UGT1A9: variants seen among roughly 807,000 people sequenced by gnomAD.
UGT1A9 encodes the protein UDP-glucuronosyltransferase 1A9.
Under a neutral mutation model 45.0 loss-of-function variants are expected in UGT1A9, and 35 were observed. The ratio of observed to expected loss-of-function variants is 0.78; its 90% CI spans 0.59 to 1.03. The LOEUF (loss-of-function observed/expected upper bound fraction) is 1.03. Ranked by LOEUF, UGT1A9 falls within the 50% of genes least tolerant of loss-of-function variation. The pLI, the probability that UGT1A9 is intolerant of heterozygous loss-of-function variation, is 0.00. For missense variants in UGT1A9, 687 were observed against 666.6 expected (o/e 1.03, Z -0.34); for synonymous variants, 278 against 250.6 (o/e 1.11, Z -1.03).
chr2:233,741,913 G>T (rs539186110), intron 1 of UGT1A9: 3 of 151,962 alleles, frequency 2.0e-5, no homozygotes, highest in African/African-American at 4.9e-5. Flanking sequence ...GATGGAAAAG[G>T]TCTTCATTTG....
At position 233,769,556 on chromosome 2, in the gene UGT1A9, A is replaced by G. The variant is rs1699895169; in HGVS notation, c.1295+1117A>G. 6.2e-7 allele frequency: 1 copy of G among 1,612,744 alleles called. No individual in the cohort carries two copies. Among genetic ancestry groups the G allele is most frequent in the African/African-American group, 1.3e-5 (1 of 74,934 alleles). On this transcript the variant is annotated intron_variant, in intron 4 of 4. Transcript: ENST00000354728. The surrounding 1 kb of genome is among the most constrained non-coding windows in gnomAD (Gnocchi z 4.4). ...AAAGAAGCAGCAGTCAGGAAGACAG[A>G]TGTGAAGAGCTGGAGCATGTTCAGA...
At chr2:233,682,799 T>C (rs749393372) in intron 1 of UGT1A9, 9 of 1,609,704 alleles carry the variant, frequency 5.6e-6, no homozygotes, top group Middle Eastern at 3.3e-4. Context: ...TATGGTAAGT[T>C]ATCTCCCCTT....
chr2:233,772,134 T>C (rs1486740901), intron 4 of UGT1A9, 128 bp from the exon 5 acceptor site: 2 of 1,545,866 alleles, frequency 1.3e-6, no homozygotes, highest in Non-Finnish European at 1.7e-6. Flanking sequence ...ACAACAACAA[T>C]AATAGAAACA....
At chr2:233,678,387 A>G (rs1247177194) in intron 1 of UGT1A9, among the ~76,000 whole-genome samples, 1 of 152,128 alleles carries the variant, frequency 6.6e-6, no homozygotes, top group East Asian at 1.9e-4. Context: ...TGGGCTGTGG[A>G]GGAGGAGGAG....
chr2:233,718,420 C>A (rs1464561381), intron 1 of UGT1A9, among the ~76,000 whole-genome samples: 1 of 152,172 alleles, frequency 6.6e-6, no homozygotes, highest in Non-Finnish European at 1.5e-5. Flanking sequence ...CAGCAGAGAA[C>A]ATGTGGTTGG....
Position 233,729,197 on chromosome 2 carries a change from C to T in UGT1A9, c.856-37837C>T, listed in dbSNP as rs569872278. The stretch of plus-strand genomic sequence containing the variant: ...CTGCTGCTTCTCCTCAGTGTCCAGC[C>T]CTGGGCTGAGAGTGGAAAGGTGTTG... On this transcript the variant is annotated intron_variant, in intron 1 of 4. Coordinates refer to ENST00000354728, the MANE Select transcript of UGT1A9 (RefSeq NM_021027.3). 4.3e-6 allele frequency: 7 copies of T among 1,614,002 alleles called. No homozygotes were observed. The African/African-American group carries it at 8.0e-5, about 18-fold the overall frequency.
intron 1 of UGT1A9, among the ~76,000 whole-genome samples, chr2:233,698,597 G>T (rs966031058): frequency 6.6e-6 from 1 of 152,070 alleles, no homozygotes; most frequent in East Asian, 1.9e-4. Flanking sequence ...CAAGAAATTC[G>T]GATTAATAAA....
At chr2:233,747,315 A>G (rs1575682403) in intron 1 of UGT1A9, 17 of 1,603,040 alleles carry the variant, frequency 1.1e-5, no homozygotes, top group Admixed American at 6.7e-5. Flanking sequence ...TGCTGGTGGT[A>G]CCCATTGATG....
chr2:233,737,087 A>G (rs955839676), intron 1 of UGT1A9, among the ~76,000 whole-genome samples: 1 of 152,174 alleles, frequency 6.6e-6, no homozygotes, highest in Non-Finnish European at 1.5e-5. Context: ...TCAGACAGGG[A>G]TGTTTAAGTC....
At chr2:233,693,990 T>C (rs553215275) in intron 1 of UGT1A9, 6 of 1,534,128 alleles carry the variant, frequency 3.9e-6, no homozygotes, top group Admixed American at 3.8e-5. Context: ...GGGGAAGTGA[T>C]ACCCGGCTCG....
chr2:233,678,125 T>A (rs1322268518), intron 1 of UGT1A9, among the ~76,000 whole-genome samples: 2 of 152,130 alleles, frequency 1.3e-5, no homozygotes, highest in East Asian at 1.9e-4. Context: ...GTGGGTACTT[T>A]TGGGCATAAA....
intron 1 of UGT1A9, among the ~76,000 whole-genome samples, chr2:233,766,527 C>A (rs182363342): frequency 6.6e-6 from 1 of 152,236 alleles, no homozygotes; most frequent in Non-Finnish European, 1.5e-5. Context: ...AACATTTAGG[C>A]AGGAAAACAA....
Position 233,772,576 on chromosome 2 carries a change from A to G in UGT1A9, c.*17A>G. The stretch of plus-strand genomic sequence containing the variant: ...ACCCATTGAGAAGTGGGTGGGAAAT[A>G]AGGTAAAATTTTGAACCATTCCCTA... On this transcript the variant is annotated 3_prime_UTR_variant, in exon 5 of 5. Transcript: ENST00000354728. 6.2e-7 allele frequency: 1 copy of G among 1,610,732 alleles called. No homozygotes were observed. Among genetic ancestry groups the G allele is most frequent in the Non-Finnish European group, 8.5e-7 (1 of 1,178,228 alleles).
In UGT1A9 at chr2:233,719,091, C is replaced by T. The variant is rs183802414; in HGVS notation, c.855+46302C>T. On this transcript the variant is annotated intron_variant, in intron 1 of 4. Coordinates refer to ENST00000354728, the MANE Select transcript of UGT1A9 (RefSeq NM_021027.3). ...TCCATGGACCCAGAAGGAATTTGATCGCGTTACGCTGGGCTACACTCAAGG... is the reference window on the plus strand; with the variant it reads ...TCCATGGACCCAGAAGGAATTTGATTGCGTTACGCTGGGCTACACTCAAGG... The T allele has an allele frequency of 3.7e-5, 60 of 1,614,254 alleles. No individual in the cohort carries two copies. The East Asian group carries it at 8.2e-4, about 22-fold the overall frequency.
Position 233,671,963 on chromosome 2 carries a change from T to G in UGT1A9, c.29T>G (p.Leu10Arg), listed in dbSNP as rs1406726680. 2.5e-6 allele frequency: 4 copies of G among 1,613,630 alleles called. No individual in the cohort carries two copies. The African/African-American group carries it at 5.3e-5, about 22-fold the overall frequency. The change falls in exon 1 of 5, where the codon CTT (leucine) becomes CGT (arginine). Residue 10 changes from leucine (L) to arginine (R), a missense_variant. Physicochemically the swap from Leu to Arg is moderately radical, Grantham distance 102. Coordinates refer to ENST00000354728, the MANE Select transcript of UGT1A9 (RefSeq NM_021027.3). Reference sequence around the variant, plus strand: ...GCTTGCACAGGGTGGACCAGCCCCCTTCCTCTATGTGTGTGTCTGCTGCTG... The same window carrying G: ...GCTTGCACAGGGTGGACCAGCCCCCGTCCTCTATGTGTGTGTCTGCTGCTG... Reference protein sequence around the residue: MACTGWTSPLPLCVCLLLTC... With the variant: MACTGWTSPRPLCVCLLLTC...
intron 1 of UGT1A9, among the ~76,000 whole-genome samples, chr2:233,746,833 TG>T (rs1311657706): frequency 6.6e-6 from 1 of 151,788 alleles, no homozygotes; most frequent in Non-Finnish European, 1.5e-5. Context: ...CTACCACTGT[TG>T]GGGACCTCTC....
At chr2:233,705,460 C>T (rs1045270048) in intron 1 of UGT1A9, among the ~76,000 whole-genome samples, 5 of 152,132 alleles carry the variant, frequency 3.3e-5, no homozygotes, top group Non-Finnish European at 5.9e-5. Flanking sequence ...TATTTTTTAG[C>T]AGACACACAT....
At chr2:233,729,001 C>T in intron 1 of UGT1A9, 3 of 1,564,662 alleles carry the variant, frequency 1.9e-6, no homozygotes, top group Non-Finnish European at 2.6e-6. Flanking sequence ...TAGAGGAGGG[C>T]ACTCTGTCTT....
chr2:233,689,611 C>T (rs1249641289), intron 1 of UGT1A9, among the ~76,000 whole-genome samples: 2 of 152,142 alleles, frequency 1.3e-5, no homozygotes, highest in Non-Finnish European at 2.9e-5. Flanking sequence ...GTTTAAAATT[C>T]GGGGTTAGCA....
Sources: allele counts gnomAD v4.1 joint callset (sites outside exome capture counted in the v4.1 genomes callset), GRCh38; gene constraint gnomAD v4.1.1; non-coding constraint Gnocchi (gnomAD v3.1); transcripts MANE v1.5; gene names NCBI Gene and HGNC (gene_info 2026-07-23, HGNC 2026-07-21).